NOMO2: variants seen among roughly 807,000 people sequenced by gnomAD.
The protein encoded by NOMO2 is BOS complex subunit NOMO2.
In NOMO2, 14 loss-of-function variants were observed where a neutral mutation model predicts 67.1. The observed-to-expected ratio is 0.21, with a 90% CI of 0.14 to 0.33. The LOEUF (loss-of-function observed/expected upper bound fraction) is 0.33, where lower values mean the gene tolerates loss of function less well. Among genes scored for constraint, NOMO2 ranks in the 10% least tolerant of loss-of-function variants. The probability of loss-of-function intolerance (pLI) is 1.00; values close to 1 mark genes in which losing one functional copy is unlikely to be tolerated. For synonymous variants in NOMO2, 80 were observed against 305.9 expected (o/e 0.26, Z 7.71); for missense variants, 178 against 761.0 (o/e 0.23, Z 9.01).
intron 3 of NOMO2, among the ~76,000 whole-genome samples, chr16:18,552,636 G>A (rs1901813563): frequency 1.3e-5 from 2 of 150,656 alleles, no homozygotes; most frequent in African/African-American, 4.9e-5. Context: ...AGGCCACAGT[G>A]AGATAATACC....
At chr16:18,535,950 C>T (rs1173871061) in intron 11 of NOMO2, among the ~76,000 whole-genome samples, 2 of 151,986 alleles carry the variant, frequency 1.3e-5, no homozygotes, top group Non-Finnish European at 2.9e-5. Context: ...GAACGCATCA[C>T]CATGCCCCGC....
chr16:18,526,557 C>T (rs931072207), intron 16 of NOMO2, among the ~76,000 whole-genome samples: 45 of 151,500 alleles, frequency 3.0e-4, no homozygotes, highest in Non-Finnish European at 5.0e-4. Context: ...ATGATATAAC[C>T]ACACACCAGA....
At chr16:18,550,585 C>T (rs1261946073) in intron 4 of NOMO2, among the ~76,000 whole-genome samples, 1 of 151,984 alleles carries the variant, frequency 6.6e-6, no homozygotes, top group Non-Finnish European at 1.5e-5. Context: ...CAACCTCAGG[C>T]ACAGGGCGGG....
intron 11 of NOMO2, 24 bp from the exon 12 acceptor site, chr16:18,533,203 C>A (rs1396789625): frequency 1.9e-6 from 3 of 1,609,204 alleles, no homozygotes; most frequent in Non-Finnish European, 2.5e-6. Context: ...ACCATTCATT[C>A]CAGCACGAGG....
At chr16:18,536,588 C>A (rs1305249556) in intron 11 of NOMO2, among the ~76,000 whole-genome samples, 1 of 151,938 alleles carries the variant, frequency 6.6e-6, no homozygotes, top group Admixed American at 6.6e-5. Flanking sequence ...TGGGCTCAAG[C>A]GATCCACCCG....
chr16:18,529,019 ATATATATATATATATATATATATC>A (rs1901227097), intron 15 of NOMO2, among the ~76,000 whole-genome samples: 1 of 61,388 alleles, frequency 1.6e-5, no homozygotes, highest in African/African-American at 6.3e-5. Flanking sequence ...ATATATATAT[ATATATATATATATATATATATATC>A]AGAGAAACTC....
At chr16:18,553,200 G>A (rs116058741) in intron 3 of NOMO2, among the ~76,000 whole-genome samples, 2,230 of 151,616 alleles carry the variant, frequency 0.015, 47 homozygotes, top group African/African-American at 0.05. Context: ...GCTTGAACCC[G>A]GGCCGAAGTT....
intron 16 of NOMO2, among the ~76,000 whole-genome samples, chr16:18,525,499 G>A (rs1596842685): frequency 6.6e-6 from 1 of 151,774 alleles, no homozygotes; most frequent in African/African-American, 2.4e-5. Flanking sequence ...TGGCCCTGGA[G>A]GCCATCCTTC....
At chr16:18,526,187 A>G (rs1448854009) in intron 16 of NOMO2, among the ~76,000 whole-genome samples, 1 of 152,040 alleles carries the variant, frequency 6.6e-6, no homozygotes, top group Non-Finnish European at 1.5e-5. Flanking sequence ...TGAATTATTC[A>G]TTAGGAAAAT....
intron 5 of NOMO2, among the ~76,000 whole-genome samples, 188 bp downstream of exon 5, chr16:18,549,333 G>A (rs1901725947): frequency 6.6e-6 from 1 of 150,862 alleles, no homozygotes; most frequent in Non-Finnish European, 1.5e-5. Context: ...TAGGCAAGAT[G>A]GGTCAAATGG....
intron 3 of NOMO2, among the ~76,000 whole-genome samples, chr16:18,553,602 T>C (rs1901838984): frequency 6.7e-6 from 1 of 149,782 alleles, no homozygotes; most frequent in Non-Finnish European, 1.5e-5. Flanking sequence ...GGTGGATACA[T>C]GGGTGTGTTC....
chr16:18,558,827 A>C, intron 1 of NOMO2: 1 of 455,634 alleles, frequency 2.2e-6, no homozygotes, highest in Non-Finnish European at 4.4e-6. Flanking sequence ...GGTTGTACAG[A>C]TTCACATCAA....
intron 1 of NOMO2, among the ~76,000 whole-genome samples, chr16:18,561,096 T>G (rs1364844675): frequency 7.0e-6 from 1 of 141,902 alleles, no homozygotes; most frequent in African/African-American, 2.7e-5. Context: ...CATCCATCCC[T>G]TTCCTCTTTA....
At chr16:18,536,510 C>T (rs1477188337) in intron 11 of NOMO2, among the ~76,000 whole-genome samples, 5 of 151,852 alleles carry the variant, frequency 3.3e-5, no homozygotes, top group Admixed American at 3.3e-4. Flanking sequence ...GGTTATGAAA[C>T]TAGCTAATTT....
At chr16:18,529,159 C>T (rs903621230) in intron 15 of NOMO2, among the ~76,000 whole-genome samples, 5 of 148,492 alleles carry the variant, frequency 3.4e-5, no homozygotes, top group East Asian at 3.9e-4. Context: ...TCTCAATTTT[C>T]GGTGAAAACT....
intron 16 of NOMO2, among the ~76,000 whole-genome samples, chr16:18,527,199 G>C (rs1408189103): frequency 2.3e-5 from 3 of 132,954 alleles, no homozygotes; most frequent in Non-Finnish European, 4.9e-5. Context: ...CTGGGTGACA[G>C]AGCAAGACTC....
intron 11 of NOMO2, 190 bp from the exon 12 acceptor site, chr16:18,533,369 C>G (rs1387995423): frequency 1.8e-6 from 1 of 541,194 alleles, no homozygotes; most frequent in African/African-American, 2.0e-5. Context: ...TTTTAAAAAG[C>G]AACCTTCAGA....
intron 11 of NOMO2, among the ~76,000 whole-genome samples, chr16:18,534,389 A>G (rs1324882427): frequency 6.7e-6 from 1 of 149,784 alleles, no homozygotes; most frequent in Non-Finnish European, 1.5e-5. Flanking sequence ...TAAAAATTAC[A>G]TGAAATGCAA....
At position 18,545,132 on chromosome 16, in the gene NOMO2, G is replaced by C. The variant is rs1352399169; in HGVS notation, c.583-1363C>G. On this transcript the variant is annotated intron_variant, in intron 6 of 30. Transcript: ENST00000622306. ...TTTTTTTGAGATGGAGTCTCACTCT[G>C]TCACCCAAGCTGAAGTGCAGTGGTG... Among the ~76,000 whole-genome samples, 263 of 140,456 alleles carry C rather than the reference G, an allele frequency of 1.9e-3. 3 individuals are homozygous for C. Among genetic ancestry groups the C allele is most frequent in the African/African-American group, 6.5e-3 (249 of 38,038 alleles). The allele number at this position is 140,456 out of a possible 152,430, so 92.1% of individuals were successfully genotyped here.
Sources: gnomAD v4.1 joint callset for allele counts (sites outside exome capture counted in the v4.1 genomes callset) on GRCh38, gnomAD v4.1.1 for gene constraint, MANE v1.5 for transcripts, NCBI Gene and HGNC (gene_info 2026-07-23, HGNC 2026-07-21) for gene names.